The following PPP1R36 variants were observed in gnomAD, a reference collection of about 807,000 sequenced individuals.
The protein encoded by PPP1R36 is protein phosphatase 1 regulatory subunit 36, also known as chromosome 14 open reading frame 50.
Under a neutral mutation model 53.4 loss-of-function variants are expected in PPP1R36, and 47 were observed. The ratio of observed to expected loss-of-function variants is 0.88; its 90% confidence interval spans 0.70 to 1.12. PPP1R36 has a LOEUF of 1.12. Among genes scored for constraint, PPP1R36 ranks in the 50% most tolerant of loss-of-function variants. PPP1R36 has a pLI of 0.00. For missense variants in PPP1R36, 456 were observed against 513.9 expected, an observed-to-expected ratio of 0.89 and a Z score of 1.09; for synonymous variants, 153 against 170.5, an observed-to-expected ratio of 0.90 and a Z score of 0.80.
intron 3 of PPP1R36, among the ~76,000 whole-genome samples, chr14:64,557,073 C>G (rs958358831): frequency 9.9e-5 from 15 of 151,992 alleles, no homozygotes. Context: ...CTCAAGCAAT[C>G]TGCCTGCCTC....
intron 3 of PPP1R36, among the ~76,000 whole-genome samples, chr14:64,560,829 G>C (rs1347281679): frequency 1.3e-5 from 2 of 152,204 alleles, no homozygotes; most frequent in East Asian, 1.9e-4. Context: ...GTGTTCAATA[G>C]ACTGATGTGT....
chr14:64,588,028 G>A, intron 10 of PPP1R36, 76 bp from the exon 11 acceptor site: 4 of 1,377,848 alleles, frequency 2.9e-6, no homozygotes, highest in South Asian at 2.8e-5. Flanking sequence ...ACAGGCATGA[G>A]CCACTGCACC....
chr14:64,550,972 C>T lies in PPP1R36; in HGVS notation c.121C>T (p.Leu41Phe). 6.2e-7 allele frequency: 1 copy of T among 1,605,036 alleles called. No homozygotes were observed. The highest frequency in any genetic ancestry group is 8.5e-7 in the Non-Finnish European group (1 of 1,174,160). Residue 41 changes from leucine to phenylalanine, a missense_variant, in exon 2 of 12, where the codon CTT (leucine) becomes TTT (phenylalanine). Leu to Phe is a conservative substitution (Grantham distance 22). Coordinates refer to ENST00000298705, the MANE Select transcript of PPP1R36 (RefSeq NM_172365.3). ...GTACTGGAAAGATGAAACCAGAACT[C>T]TTGAATTCAGAAGGTAAAATTTAAC... ...MWYWKDETRTLEFRRFAAEDS... is the reference protein window; with the variant it reads ...MWYWKDETRTFEFRRFAAEDS...
chr14:64,564,414 C>T (rs888981846), intron 3 of PPP1R36, among the ~76,000 whole-genome samples: 1 of 152,132 alleles, frequency 6.6e-6, no homozygotes, highest in African/African-American at 2.4e-5. Context: ...GAGATTGTGC[C>T]TAAAAGCACT....
intron 3 of PPP1R36, among the ~76,000 whole-genome samples, chr14:64,560,845 T>C (rs903278080): frequency 2.6e-5 from 4 of 152,210 alleles, no homozygotes; most frequent in East Asian, 1.9e-4. Context: ...TGTGTCACTT[T>C]ATAAGTCTGC....
At chr14:64,558,221 G>A (rs1342958537) in intron 3 of PPP1R36, among the ~76,000 whole-genome samples, 2 of 152,258 alleles carry the variant, frequency 1.3e-5, no homozygotes, top group East Asian at 3.9e-4. Context: ...GAAGGCTGTA[G>A]GGTATACATC....
intron 1 of PPP1R36, 65 bp from the exon 2 acceptor site, chr14:64,550,856 A>C: frequency 8.5e-7 from 1 of 1,176,008 alleles, no homozygotes; most frequent in South Asian, 1.3e-5. Context: ...TTAAAGGTTT[A>C]TTGTGGCATA....
Position 64,565,750 on chromosome 14 carries a change from A to T in PPP1R36, c.434+58A>T, listed in dbSNP as rs2080248119. 4.7e-6 allele frequency: 6 copies of T among 1,268,736 alleles called. No homozygotes were observed. In the Admixed American group the frequency reaches 1.0e-4, roughly 22 times the overall value. 78.6% of individuals were successfully genotyped at this position (1,268,736 alleles called of 1,614,324 possible). On this transcript the variant is annotated intron_variant, in intron 6 of 11. Transcript: ENST00000298705. Reference sequence around the variant, plus strand: ...TTATCCTTTATTTTTCAGTAACTTCATCTGATAAGTGATGACAAATCTGAT... The same window carrying T: ...TTATCCTTTATTTTTCAGTAACTTCTTCTGATAAGTGATGACAAATCTGAT...
chr14:64,555,958 G>C (rs953604209), intron 3 of PPP1R36, among the ~76,000 whole-genome samples: 4 of 151,900 alleles, frequency 2.6e-5, no homozygotes, highest in African/African-American at 4.8e-5. Flanking sequence ...GTATATAAAT[G>C]TACAAAGCAG....
Position 64,586,911 on chromosome 14 carries a change from A to G in PPP1R36, c.711+32A>G, listed in dbSNP as rs770267471. ...CACTTATGTTTTGGTGCTTTTTGAT[A>G]TGAAACAATATATACCAACAACCAA... is the stretch of plus-strand genomic sequence containing the variant. On this transcript the variant is annotated intron_variant, in intron 9 of 11. Transcript: ENST00000298705. 3 of 1,559,836 alleles carry G rather than the reference A, an allele frequency of 1.9e-6. No individual in the cohort carries two copies. In the South Asian group the frequency reaches 3.4e-5, roughly 18 times the overall value.
In PPP1R36 at chr14:64,588,120, C is replaced by T. The variant is rs201534789; in HGVS notation, c.907C>T (p.Arg303Cys). The T allele has an allele frequency of 1.9e-5, 30 of 1,600,718 alleles. No individual in the cohort carries two copies. Among genetic ancestry groups the T allele is most frequent in the Admixed American group, 1.4e-4 (8 of 58,630 alleles). Residue 303 changes from arginine (R) to cysteine (C), a missense_variant, in exon 11 of 12, where the codon CGC becomes TGC. Arg to Cys is a radical substitution (Grantham distance 180). Coordinates refer to ENST00000298705, the MANE Select transcript of PPP1R36 (RefSeq NM_172365.3). ...FVQFRRMMAK[R>C]PAIKKAINMR... ...CCCCGACAGGAGAATGATGGCAAAACGCCCAGCAATTAAAAAAGCTATCAA... is the reference window on the plus strand; with the variant it reads ...CCCCGACAGGAGAATGATGGCAAAATGCCCAGCAATTAAAAAAGCTATCAA...
intron 8 of PPP1R36, among the ~76,000 whole-genome samples, chr14:64,578,825 C>T (rs747396510): frequency 1.3e-5 from 2 of 152,192 alleles, no homozygotes; most frequent in African/African-American, 2.4e-5. Flanking sequence ...CACTGCAGCA[C>T]TGTTCACAAT....
chr14:64,579,608 T>C (rs1367356250), intron 8 of PPP1R36, among the ~76,000 whole-genome samples: 1 of 152,236 alleles, frequency 6.6e-6, no homozygotes, highest in Non-Finnish European at 1.5e-5. Context: ...TCACTATTAA[T>C]ATTGACACTA....
intron 3 of PPP1R36, among the ~76,000 whole-genome samples, chr14:64,560,955 C>CT (rs1262312203): frequency 1.3e-5 from 2 of 152,146 alleles, no homozygotes; most frequent in Non-Finnish European, 2.9e-5. Flanking sequence ...ATATGAAGCT[C>CT]TGAGAGGGCC....
chr14:64,568,486 C>A, intron 7 of PPP1R36, 39 bp downstream of exon 7: 1 of 912,502 alleles, frequency 1.1e-6, no homozygotes, highest in Non-Finnish European at 1.7e-6. Flanking sequence ...AGTTTTATCA[C>A]TGCCAGTATT....
Position 64,588,286 on chromosome 14 carries a change from C to T in PPP1R36, c.1073C>T (p.Pro358Leu). 1.2e-6 allele frequency: 2 copies of T among 1,605,864 alleles called. No individual in the cohort carries two copies. The highest frequency in any genetic ancestry group is 1.7e-6 in the Non-Finnish European group (2 of 1,174,462). ...QKHVGTLDSV[P>L]MPVVGILGEP... is the part of the protein sequence containing the mutation. ...CATGTGGGAACTCTGGACTCTGTGC[C>T]CATGCCGGTGTAAGTGGCTTGGCAA... Residue 358 changes from proline (P) to leucine (L), a missense_variant, in exon 11 of 12, where the codon CCC (proline) becomes CTC (leucine). Physicochemically the swap from Pro to Leu is moderately conservative, Grantham distance 98 (BLOSUM62 -3). Coordinates refer to ENST00000298705, the MANE Select transcript of PPP1R36 (RefSeq NM_172365.3).
Position 64,587,276 on chromosome 14 carries a change from G to T in PPP1R36, c.794G>T (p.Arg265Ile), listed in dbSNP as rs2080441111. The T allele has an allele frequency of 6.2e-7, 1 of 1,613,272 alleles. No individual in the cohort carries two copies. Among genetic ancestry groups the T allele is most frequent in the Non-Finnish European group, 8.5e-7 (1 of 1,179,366 alleles). The change falls in exon 10 of 12, where the codon AGA (arginine) becomes ATA (isoleucine). Residue 265 changes from arginine to isoleucine, a missense_variant. By Grantham distance (97) the Arg-to-Ile change is moderately conservative. Coordinates refer to ENST00000298705, the MANE Select transcript of PPP1R36 (RefSeq NM_172365.3). ...HLTEIEEEVG[R>I]LFRTNMFNIP... The stretch of plus-strand genomic sequence containing the variant: ...ACAGAGATTGAAGAAGAAGTAGGGA[G>T]ACTCTTTCGTACCAATATGTTCAAC...
intron 8 of PPP1R36, among the ~76,000 whole-genome samples, chr14:64,576,110 G>A (rs1189827897): frequency 9.0e-5 from 11 of 121,770 alleles, no homozygotes; most frequent in East Asian, 4.7e-4. Flanking sequence ...ACAAAGTCTC[G>A]CTCTTGTCCC....
At chr14:64,550,397 G>A (rs985482639) in intron 1 of PPP1R36, 3 of 646,836 alleles carry the variant, frequency 4.6e-6, no homozygotes, top group East Asian at 6.0e-5. Context: ...AGGCTGGTGG[G>A]TGCTAGCTTC....
Sources: allele counts gnomAD v4.1 joint callset (sites outside exome capture counted in the v4.1 genomes callset), GRCh38; gene constraint gnomAD v4.1.1; transcripts MANE v1.5; gene names NCBI Gene and HGNC (gene_info 2026-07-23, HGNC 2026-07-21).